The following CHODL variants were observed in gnomAD, a reference collection of about 807,000 sequenced individuals.
CHODL encodes the protein transmembrane protein MT75.
Under a neutral mutation model 34.5 loss-of-function variants are expected in CHODL, and 29 were observed. That is an observed-to-expected ratio of 0.84 (90% confidence interval 0.63 to 1.15). The LOEUF is 1.15. Among genes scored for constraint, CHODL ranks in the 50% most tolerant of loss-of-function variants. CHODL has a pLI of 0.00. For synonymous variants in CHODL, 125 were observed against 116.1 expected (o/e 1.08, Z -0.49); for missense variants, 332 against 332.5 (o/e 1.00, Z 0.01).
At chr21:18,129,084 T>G (rs2072619049) in intron 2 of CHODL, among the ~76,000 whole-genome samples, 1 of 151,602 alleles carries the variant, frequency 6.6e-6, no homozygotes, top group South Asian at 2.1e-4. Flanking sequence ...TTATATTTTA[T>G]TGGATTTTTT....
At chr21:18,113,872 TAA>T (rs780736143) in intron 2 of CHODL, among the ~76,000 whole-genome samples, 15 of 152,300 alleles carry the variant, frequency 9.8e-5, no homozygotes, top group Non-Finnish European at 2.2e-4. Flanking sequence ...TTACAATAGC[TAA>T]GACTTGGAAG....
intron 2 of CHODL, among the ~76,000 whole-genome samples, chr21:18,098,232 C>T (rs928597567): frequency 6.6e-6 from 1 of 151,838 alleles, no homozygotes; most frequent in East Asian, 1.9e-4. Flanking sequence ...AGTTAAAAAG[C>T]TTTTTTAGAG....
chr21:18,107,928 A>G (rs1189718855), intron 2 of CHODL, among the ~76,000 whole-genome samples: 1 of 152,228 alleles, frequency 6.6e-6, no homozygotes, highest in East Asian at 1.9e-4. Context: ...AGCATGTGGA[A>G]AAGATGACCT....
At position 17,943,965 on chromosome 21, in the gene CHODL, C is replaced by T. The variant is rs946184396; in HGVS notation, c.-145+26565C>T. Among the ~76,000 whole-genome samples, 5 of 152,100 alleles carry T rather than the reference C, an allele frequency of 3.3e-5. No individual in the cohort carries two copies. The East Asian group carries it at 7.7e-4, about 23-fold the overall frequency. ...CAGTGCACAAATCTTGGTGGTAGCT[C>T]GGTGTTCCTGCCAACTGAAGCACTC... On this transcript the variant is annotated intron_variant, in intron 1 of 6. Coordinates refer to the CHODL transcript ENST00000400127.
intron 2 of CHODL, among the ~76,000 whole-genome samples, chr21:18,130,402 T>G (rs560142787): frequency 2.0e-5 from 3 of 152,350 alleles, no homozygotes; most frequent in Admixed American, 2.0e-4. Context: ...TTGTGCATAG[T>G]TAAAACAATT....
intron 2 of CHODL, among the ~76,000 whole-genome samples, chr21:18,194,998 G>C (rs937852473): frequency 2.0e-5 from 3 of 151,560 alleles, no homozygotes; most frequent in Admixed American, 6.6e-5. Flanking sequence ...CAATTTTCAA[G>C]AATACAATAC....
chr21:17,925,081 C>A (rs2063212417), intron 1 of CHODL, among the ~76,000 whole-genome samples: 1 of 152,144 alleles, frequency 6.6e-6, no homozygotes, highest in Non-Finnish European at 1.5e-5. Flanking sequence ...ATCTGGGCAG[C>A]CAAGCTCAAG....
chr21:18,126,256 A>C lies in CHODL; in HGVS notation c.-45+98285A>C, dbSNP rs943783722. On this transcript the variant is annotated intron_variant, in intron 2 of 6. Transcript: ENST00000400127. ...ATGCTTCACCAGCAAAAGGATTATG[A>C]CTCTATGAAGGCTTAGATGATTATT... Among the ~76,000 whole-genome samples, 5 of 152,280 alleles carry C rather than the reference A, an allele frequency of 3.3e-5. No individual in the cohort carries two copies. The South Asian group carries it at 1.0e-3, about 32-fold the overall frequency.
intron 1 of CHODL, among the ~76,000 whole-genome samples, chr21:17,921,994 A>G (rs2063186743): frequency 1.6e-5 from 1 of 61,550 alleles, no homozygotes; most frequent in Admixed American, 1.5e-4. Flanking sequence ...ACAATAAAGG[A>G]AAGTTATGAA....
At chr21:17,996,077 AT>A (rs536411459) in intron 1 of CHODL, among the ~76,000 whole-genome samples, 33 of 145,746 alleles carry the variant, frequency 2.3e-4, no homozygotes, top group African/African-American at 3.8e-4. Flanking sequence ...CTCATCATTT[AT>A]TTTTTTTTTT....
At chr21:18,061,604 C>T (rs187477894) in intron 2 of CHODL, among the ~76,000 whole-genome samples, 44 of 152,188 alleles carry the variant, frequency 2.9e-4, no homozygotes, top group Non-Finnish European at 5.7e-4. Context: ...AAATATGGGT[C>T]TAGAGACTAT....
chr21:17,955,462 C>A (rs2063488433), intron 1 of CHODL, among the ~76,000 whole-genome samples: 1 of 137,094 alleles, frequency 7.3e-6, no homozygotes, highest in South Asian at 2.8e-4. Flanking sequence ...TGACTTTAAG[C>A]TCCGCTGTTT....
At chr21:18,108,091 C>T (rs1182895551) in intron 2 of CHODL, among the ~76,000 whole-genome samples, 1 of 151,914 alleles carries the variant, frequency 6.6e-6, no homozygotes, top group East Asian at 1.9e-4. Flanking sequence ...GGATTGTACA[C>T]AATCTTGTTC....
Position 18,244,977 on chromosome 21 carries a change from A to G in CHODL, c.-247A>G. ...GACATACACGGGACCCCCTAACTTC[A>G]GTCCCCCAAACGCGCACCCTCGAAG... is the stretch of plus-strand genomic sequence containing the variant. On this transcript the variant is annotated 5_prime_UTR_variant, in exon 1 of 6. Coordinates refer to ENST00000299295, the MANE Select transcript of CHODL (RefSeq NM_024944.3). 1 of 448,662 alleles carries G rather than the reference A, an allele frequency of 2.2e-6. No individual in the cohort carries two copies. The highest frequency in any genetic ancestry group is 3.9e-6 in the Non-Finnish European group (1 of 255,526). 27.8% of individuals were successfully genotyped at this position (448,662 alleles called of 1,614,324 possible).
chr21:18,120,947 A>G (rs2146576733), intron 2 of CHODL, among the ~76,000 whole-genome samples: 1 of 152,210 alleles, frequency 6.6e-6, no homozygotes, highest in African/African-American at 2.4e-5. Flanking sequence ...CATGACAAAT[A>G]GCTACTTTTC....
chr21:18,130,433 T>C (rs2072641200), intron 2 of CHODL, among the ~76,000 whole-genome samples: 1 of 152,200 alleles, frequency 6.6e-6, no homozygotes, highest in Non-Finnish European at 1.5e-5. Context: ...GAAATGGATA[T>C]TAAAATAGCT....
At position 18,111,278 on chromosome 21, in the gene CHODL, C is replaced by T. The variant is rs906814607; in HGVS notation, c.-45+83307C>T. Among the ~76,000 whole-genome samples, 31 of 151,782 alleles carry T rather than the reference C, an allele frequency of 2.0e-4. 1 individual carries two copies. Among genetic ancestry groups the T allele is most frequent in the Admixed American group, 7.2e-4 (11 of 15,276 alleles). The stretch of plus-strand genomic sequence containing the variant: ...CAAAACACCTGAAGATGGAGGCAGG[C>T]GAACTGATACACATTCAATTCACAT... On this transcript the variant is annotated intron_variant, in intron 2 of 6. Transcript: ENST00000400127.
At chr21:18,221,393 C>G (rs2073882292) in intron 2 of CHODL, among the ~76,000 whole-genome samples, 1 of 152,072 alleles carries the variant, frequency 6.6e-6, no homozygotes, top group Non-Finnish European at 1.5e-5. Context: ...ATTTCCTTTT[C>G]TTTAGGATTT....
At chr21:18,221,629 T>C (rs376944280) in intron 2 of CHODL, among the ~76,000 whole-genome samples, 2 of 152,232 alleles carry the variant, frequency 1.3e-5, no homozygotes, top group South Asian at 2.1e-4. Flanking sequence ...GTATGATTTA[T>C]TTGGCTATAA....
Sources: gnomAD v4.1 joint callset for allele counts (sites outside exome capture counted in the v4.1 genomes callset) on GRCh38, gnomAD v4.1.1 for gene constraint, MANE v1.5 for transcripts, NCBI Gene and HGNC (gene_info 2026-07-23, HGNC 2026-07-21) for gene names.